Variants in SLC9B1 observed in about 807,000 individuals in gnomAD.
SLC9B1 encodes the protein sodium/hydrogen exchanger 9B1.
A neutral mutation model predicts 51.7 loss-of-function variants in SLC9B1; 32 were observed. That is an observed-to-expected ratio of 0.62 (90% CI 0.47 to 0.83). SLC9B1 has a LOEUF of 0.83. Ranked by LOEUF, SLC9B1 falls within the 40% of genes least tolerant of loss-of-function variation. The pLI is 0.00. For synonymous variants in SLC9B1, 145 were observed against 212.7 expected (o/e 0.68, Z 2.77); for missense variants, 406 against 613.2 (o/e 0.66, Z 3.57).
At chr4:102,961,489 G>C (rs1738121121) in intron 3 of SLC9B1, among the ~76,000 whole-genome samples, 1 of 152,284 alleles carries the variant, frequency 6.6e-6, no homozygotes, top group African/African-American at 2.4e-5. Flanking sequence ...TTTAGCAAGA[G>C]GCCTATTTTG....
intron 3 of SLC9B1, among the ~76,000 whole-genome samples, chr4:102,976,390 A>G (rs564447936): frequency 4.8e-4 from 73 of 152,352 alleles, no homozygotes; most frequent in African/African-American, 1.7e-3. Flanking sequence ...TCATTTCTTA[A>G]CAGTCATCAA....
intron 1 of SLC9B1, among the ~76,000 whole-genome samples, chr4:103,000,853 T>A (rs899741214): frequency 6.6e-6 from 1 of 152,220 alleles, no homozygotes; most frequent in Non-Finnish European, 1.5e-5. Flanking sequence ...TGGAGAATGA[T>A]GGTCCTCTTC....
At chr4:102,946,532 AG>A (rs758442758) in intron 5 of SLC9B1, 114 bp downstream of exon 5, 2 of 1,164,490 alleles carry the variant, frequency 1.7e-6, no homozygotes, top group East Asian at 5.5e-5. Context: ...TCTTTATCTT[AG>A]GTTTGTTTAC....
chr4:102,959,726 G>A (rs887488640), intron 3 of SLC9B1, among the ~76,000 whole-genome samples: 6 of 152,122 alleles, frequency 3.9e-5, no homozygotes, highest in African/African-American at 1.4e-4. Context: ...TCAGGGGCCC[G>A]CTTGGCTGGT....
intron 7 of SLC9B1, among the ~76,000 whole-genome samples, chr4:102,919,023 T>C (rs1272261402): frequency 2.6e-5 from 4 of 152,164 alleles, no homozygotes; most frequent in Admixed American, 1.3e-4. Flanking sequence ...GGCTGGGACA[T>C]AGTGCAGTCC....
intron 9 of SLC9B1, among the ~76,000 whole-genome samples, chr4:102,908,112 C>T (rs200498463): frequency 0.06 from 6,243 of 104,706 alleles, no homozygotes; most frequent in Non-Finnish European, 0.089. Context: ...GAAGTATAAT[C>T]TATATTAGAT....
intron 10 of SLC9B1, 180 bp downstream of exon 10, chr4:102,906,356 T>C: frequency 2.9e-6 from 1 of 346,214 alleles, no homozygotes; most frequent in East Asian, 5.5e-5. Flanking sequence ...CCTTGGTTTA[T>C]AAAAAAAAAA....
At chr4:102,929,110 C>G (rs1048069949) in intron 7 of SLC9B1, among the ~76,000 whole-genome samples, 2 of 152,174 alleles carry the variant, frequency 1.3e-5, no homozygotes, top group Non-Finnish European at 2.9e-5. Context: ...CAGACACAAC[C>G]GGGAACAATA....
intron 3 of SLC9B1, among the ~76,000 whole-genome samples, chr4:102,983,489 A>G (rs1296572618): frequency 1.3e-5 from 2 of 152,172 alleles, no homozygotes; most frequent in Admixed American, 6.5e-5. Flanking sequence ...AATGTTTTGT[A>G]GAATTTATCA....
At chr4:102,913,004 A>G (rs920663681) in intron 7 of SLC9B1, among the ~76,000 whole-genome samples, 3 of 152,196 alleles carry the variant, frequency 2.0e-5, no homozygotes, top group African/African-American at 7.2e-5. Flanking sequence ...AGTTCCATAA[A>G]CCATTAAGAA....
At chr4:102,939,982 T>C (rs966489938) in intron 6 of SLC9B1, among the ~76,000 whole-genome samples, 2 of 152,142 alleles carry the variant, frequency 1.3e-5, no homozygotes, top group African/African-American at 2.4e-5. Context: ...CTATTCAACA[T>C]AGTAATGGAT....
At chr4:103,004,432 T>C (rs113803600) in intron 1 of SLC9B1, among the ~76,000 whole-genome samples, 1 of 152,134 alleles carries the variant, frequency 6.6e-6, no homozygotes, top group Non-Finnish European at 1.5e-5. Flanking sequence ...TATGGGATTA[T>C]GTAAAGAGAA....
chr4:102,981,063 C>A (rs1243544264), intron 3 of SLC9B1, among the ~76,000 whole-genome samples: 1 of 152,100 alleles, frequency 6.6e-6, no homozygotes, highest in African/African-American at 2.4e-5. Context: ...TAGTTTTGCC[C>A]CTGTTAGAAT....
intron 3 of SLC9B1, among the ~76,000 whole-genome samples, chr4:102,959,204 G>T (rs1040133266): frequency 2.0e-5 from 3 of 148,882 alleles, no homozygotes; most frequent in African/African-American, 7.6e-5. Context: ...AATGTAAAAG[G>T]ATAGGAGATT....
chr4:103,000,963 G>A (rs1219880536), intron 1 of SLC9B1, among the ~76,000 whole-genome samples: 1 of 152,190 alleles, frequency 6.6e-6, no homozygotes, highest in African/African-American at 2.4e-5. Context: ...TTCTTCTTGA[G>A]GCTCCACCCC....
At chr4:102,908,065 GAA>G (rs1247140540) in intron 9 of SLC9B1, among the ~76,000 whole-genome samples, 2 of 152,264 alleles carry the variant, frequency 1.3e-5, no homozygotes, top group African/African-American at 4.8e-5. Flanking sequence ...ATCTAAGAAA[GAA>G]TATGTGTAGG....
intron 1 of SLC9B1, among the ~76,000 whole-genome samples, chr4:103,008,881 C>A (rs1578418072): frequency 6.9e-6 from 1 of 144,460 alleles, no homozygotes; most frequent in Non-Finnish European, 1.5e-5. Flanking sequence ...CTCACGGCAA[C>A]CTCCGCCTCC....
At chr4:102,979,919 T>C (rs1461575620) in intron 3 of SLC9B1, among the ~76,000 whole-genome samples, 1 of 151,770 alleles carries the variant, frequency 6.6e-6, no homozygotes, top group Non-Finnish European at 1.5e-5. Flanking sequence ...AACAACCCCA[T>C]TAAAAAGTGG....
At chr4:102,928,356 C>T (rs1736292205) in intron 7 of SLC9B1, among the ~76,000 whole-genome samples, 1 of 152,182 alleles carries the variant, frequency 6.6e-6, no homozygotes. Context: ...GCAAGAGTGA[C>T]CTTTACTTCA....
Sources: allele counts gnomAD v4.1 joint callset (sites outside exome capture counted in the v4.1 genomes callset), GRCh38; gene constraint gnomAD v4.1.1; transcripts MANE v1.5; gene names NCBI Gene and HGNC (gene_info 2026-07-23, HGNC 2026-07-21).